Variants in LTN1 observed in about 807,000 individuals in gnomAD.
LTN1 encodes E3 ubiquitin-protein ligase listerin.
LTN1 carries 88 observed loss-of-function variants against 201.2 expected under a neutral mutation model. That is an observed-to-expected ratio of 0.44 (90% CI 0.37 to 0.52). LTN1 has a LOEUF of 0.52. Ranked by LOEUF, LTN1 falls within the 20% of genes least tolerant of loss-of-function variation. LTN1 has a pLI of 0.00. For synonymous variants in LTN1, 645 were observed against 713.5 expected, an observed-to-expected ratio of 0.90 and a Z score of 1.53; for missense variants, 1,752 against 2,038.7, an observed-to-expected ratio of 0.86 and a Z score of 2.71.
At chr21:28,954,102 C>T (rs566772973) in intron 16 of LTN1, among the ~76,000 whole-genome samples, 1 of 152,216 alleles carries the variant, frequency 6.6e-6, no homozygotes, top group East Asian at 1.9e-4. Context: ...GACTAATGAG[C>T]TCGATAAAAT....
intron 1 of LTN1, among the ~76,000 whole-genome samples, chr21:28,989,696 T>C (rs773053367): frequency 1.3e-5 from 2 of 152,174 alleles, no homozygotes; most frequent in Non-Finnish European, 2.9e-5. Flanking sequence ...ATTCATGCCC[T>C]AGTAGCAAAC....
At chr21:28,971,524 T>C (rs917748256) in intron 6 of LTN1, 80 bp from the exon 7 acceptor site, 1 of 1,292,232 alleles carries the variant, frequency 7.7e-7, no homozygotes, top group Non-Finnish European at 1.1e-6. Flanking sequence ...TAGTAGATTA[T>C]TCACACTAAC....
chr21:28,984,475 A>G (rs189870632), intron 4 of LTN1, among the ~76,000 whole-genome samples: 106 of 152,254 alleles, frequency 7.0e-4, no homozygotes, highest in African/African-American at 2.5e-3. Flanking sequence ...AAAATGGAAA[A>G]TTTAAATACT....
rs1402036712 is a variant in LTN1, at chr21:28,960,940, C to T, written c.2164-234G>A. ...CTTCCCAGCCATAAATATTCCCCCA[C>T]CCCCCCCTTTTTTTTTTAACTTAAA... On this transcript the variant is annotated intron_variant, in intron 11 of 29. Coordinates refer to ENST00000361371, the MANE Select transcript of LTN1 (RefSeq NM_015565.3). 3 of 299,064 alleles carry T rather than the reference C, an allele frequency of 1.0e-5. No individual in the cohort carries two copies. The East Asian group carries it at 2.5e-4, about 25-fold the overall frequency. The allele number at this position is 299,064 out of a possible 1,614,324, so 18.5% of individuals were successfully genotyped here. A position where few individuals can be genotyped will look rare whatever the true frequency, so the allele number is the denominator to read the frequency against.
intron 9 of LTN1, 37 bp from the exon 10 acceptor site, chr21:28,967,216 T>C (rs762143155): frequency 1.4e-6 from 2 of 1,468,460 alleles, no homozygotes; most frequent in Non-Finnish European, 1.9e-6. Context: ...AATATATATT[T>C]GGTCTTCAAC....
intron 7 of LTN1, among the ~76,000 whole-genome samples, chr21:28,970,998 C>A (rs547414197): frequency 3.0e-4 from 46 of 152,174 alleles, no homozygotes; most frequent in Admixed American, 2.0e-4. Context: ...AAGCTGCTTT[C>A]TAAAAGGGAC....
intron 12 of LTN1, 111 bp downstream of exon 12, chr21:28,960,402 ATGAG>A (rs982702736): frequency 1.4e-5 from 10 of 728,280 alleles, no homozygotes; most frequent in East Asian, 3.0e-5. Flanking sequence ...AAAAATTTGA[ATGAG>A]TAAGTCCTGT....
chr21:28,938,211 T>C (rs554798846), intron 25 of LTN1, among the ~76,000 whole-genome samples: 1 of 152,266 alleles, frequency 6.6e-6, no homozygotes, highest in East Asian at 1.9e-4. Flanking sequence ...TATTATTGCA[T>C]CAAAATTAAA....
At chr21:28,944,662 T>C (rs2084323870) in intron 21 of LTN1, 66 bp from the exon 22 acceptor site, 4 of 1,133,718 alleles carry the variant, frequency 3.5e-6, no homozygotes, top group South Asian at 3.0e-5. Context: ...ATAAAGCCAA[T>C]ATAAAGAAAA....
At chr21:28,983,805 T>A (rs925783898) in intron 4 of LTN1, among the ~76,000 whole-genome samples, 16 of 152,324 alleles carry the variant, frequency 1.1e-4, no homozygotes, top group South Asian at 2.1e-4. Context: ...ATAGATTTTT[T>A]AAAAAATTAT....
chr21:28,986,295 T>A lies in LTN1; in HGVS notation c.247-58A>T. On this transcript the variant is annotated intron_variant, in intron 2 of 29. Transcript: ENST00000361371. The surrounding 1 kb of genome is among the most constrained non-coding windows in gnomAD (Gnocchi z 4.1). ...ACAACCATAATAACTGGCTATAGAT[T>A]ATTCTGTTCTGGAAGCTTTGTCTAT... 1 of 1,006,612 alleles carries A rather than the reference T, an allele frequency of 9.9e-7. No individual in the cohort carries two copies. Among genetic ancestry groups the A allele is most frequent in the South Asian group, 1.4e-5 (1 of 73,194 alleles). The allele number at this position is 1,006,612 out of a possible 1,614,324, so 62.4% of individuals were successfully genotyped here.
At chr21:28,976,052 A>C (rs550345376) in intron 6 of LTN1, among the ~76,000 whole-genome samples, 22 of 152,290 alleles carry the variant, frequency 1.4e-4, no homozygotes, top group Non-Finnish European at 2.6e-4. Context: ...GATGGGAGGC[A>C]AATCAATGAC....
chr21:28,992,690 T>G (rs1242120846), intron 1 of LTN1, 74 bp downstream of exon 1: 4 of 1,566,534 alleles, frequency 2.6e-6, no homozygotes, highest in Non-Finnish European at 3.5e-6. Flanking sequence ...CCACACACCC[T>G]CCAGCAACGC....
At chr21:28,970,241 A>C (rs762154323) in intron 8 of LTN1, among the ~76,000 whole-genome samples, 1 of 152,198 alleles carries the variant, frequency 6.6e-6, no homozygotes, top group African/African-American at 2.4e-5. Flanking sequence ...AAAAATAAAA[A>C]ATGGCTACAT....
intron 16 of LTN1, among the ~76,000 whole-genome samples, chr21:28,956,170 T>C (rs2084424223): frequency 6.6e-6 from 1 of 151,952 alleles, no homozygotes; most frequent in South Asian, 2.1e-4. Flanking sequence ...GGTACCAAAA[T>C]ACAGTGAGAG....
chr21:28,936,310 C>T (rs114906153), intron 26 of LTN1, among the ~76,000 whole-genome samples: 1,931 of 152,296 alleles, frequency 0.013, 54 homozygotes, highest in African/African-American at 0.044. Flanking sequence ...AGTCTCACCA[C>T]ACTAAGCTTC....
intron 6 of LTN1, among the ~76,000 whole-genome samples, chr21:28,972,301 C>G (rs1258223124): frequency 1.3e-5 from 2 of 152,200 alleles, no homozygotes; most frequent in African/African-American, 2.4e-5. Flanking sequence ...TTACAAATTA[C>G]TCCATCTAAG....
At chr21:28,943,947 G>A in intron 22 of LTN1, 43 bp from the exon 23 acceptor site, 1 of 1,202,718 alleles carries the variant, frequency 8.3e-7, no homozygotes, top group Non-Finnish European at 1.2e-6. Flanking sequence ...TCAAAAGAAA[G>A]TTAGTATAGC....
In LTN1 at chr21:28,957,409, G is replaced by T. The variant is rs549637131; in HGVS notation, c.2815C>A (p.Leu939Ile). The T allele has an allele frequency of 1.7e-5, 27 of 1,607,250 alleles. No homozygotes were observed. The highest frequency in any genetic ancestry group is 3.5e-5 in the Admixed American group (2 of 57,834). ...ACACTTCCAATATAAACTCCCATAAGATAAGAATCTTCACTCTCTAGAAGT... is the reference window on the plus strand; with the variant it reads ...ACACTTCCAATATAAACTCCCATAATATAAGAATCTTCACTCTCTAGAAGT... ...NTLLESEDSY[L>I]MGVYIGSVMP... Residue 939 changes from leucine to isoleucine, a missense_variant, in exon 15 of 30, where the codon CTT becomes ATT. By Grantham distance (5) the Leu-to-Ile change is conservative. Transcript: ENST00000361371.
Sources: allele counts gnomAD v4.1 joint callset (sites outside exome capture counted in the v4.1 genomes callset), GRCh38; gene constraint gnomAD v4.1.1; non-coding constraint Gnocchi (gnomAD v3.1); transcripts MANE v1.5; gene names NCBI Gene and HGNC (gene_info 2026-07-23, HGNC 2026-07-21).